The following TRIM66 variants were observed in gnomAD, a reference collection of about 807,000 sequenced individuals.
The protein encoded by TRIM66 is tripartite motif-containing protein 66.
TRIM66 carries 99 observed loss-of-function variants against 148.2 expected under a neutral mutation model. The ratio of observed to expected loss-of-function variants is 0.67; its 90% CI spans 0.57 to 0.79. The LOEUF (loss-of-function observed/expected upper bound fraction) is 0.79. Ranked by LOEUF, TRIM66 falls within the 30% of genes least tolerant of loss-of-function variation. The probability of loss-of-function intolerance (pLI) is 0.00; values close to 1 mark genes in which losing one functional copy is unlikely to be tolerated. For missense variants in TRIM66, 1,666 were observed against 1,697.9 expected, an observed-to-expected ratio of 0.98 and a Z score of 0.33; for synonymous variants, 616 against 635.9, an observed-to-expected ratio of 0.97 and a Z score of 0.47.
intron 15 of TRIM66, among the ~76,000 whole-genome samples, chr11:8,637,979 C>T (rs765254326): frequency 1.0e-3 from 156 of 152,222 alleles, no homozygotes; most frequent in Non-Finnish European, 1.9e-3. Flanking sequence ...CCAGGGTAAG[C>T]GAACACTTTC....
chr11:8,633,061 T>C (rs1166101366), intron 15 of TRIM66, among the ~76,000 whole-genome samples: 1 of 152,206 alleles, frequency 6.6e-6, no homozygotes, highest in Non-Finnish European at 1.5e-5. Flanking sequence ...GAAAGCCTGA[T>C]GAGTGGAACC....
At chr11:8,621,467 G>A in intron 19 of TRIM66, 146 bp from the exon 20 acceptor site, 1 of 1,310,782 alleles carries the variant, frequency 7.6e-7, no homozygotes. Flanking sequence ...TGAATGCTGG[G>A]ACACCTCACT....
intron 13 of TRIM66, among the ~76,000 whole-genome samples, 172 bp from the exon 14 acceptor site, chr11:8,641,324 C>T (rs1372276312): frequency 6.6e-6 from 1 of 152,154 alleles, no homozygotes; most frequent in Non-Finnish European, 1.5e-5. Context: ...CCAGTAATAG[C>T]ACCTGTATGC....
chr11:8,635,487 C>T (rs2035795475), intron 15 of TRIM66, among the ~76,000 whole-genome samples: 1 of 152,162 alleles, frequency 6.6e-6, no homozygotes, highest in Admixed American at 6.5e-5. Context: ...AAAAAGAAAG[C>T]CCTTTTCCTC....
chr11:8,657,219 G>A (rs1003162167), intron 6 of TRIM66, among the ~76,000 whole-genome samples: 2 of 152,192 alleles, frequency 1.3e-5, no homozygotes, highest in South Asian at 2.1e-4. Context: ...GGACACACTC[G>A]TTGCATAAGC....
chr11:8,621,722 G>T lies in TRIM66; in HGVS notation c.3178C>A (p.Pro1060Thr). 1 of 1,551,698 alleles carries T rather than the reference G, an allele frequency of 6.4e-7. No individual in the cohort carries two copies. Among genetic ancestry groups the T allele is most frequent in the African/African-American group, 1.4e-5 (1 of 73,154 alleles). ...CTCCCATCCTGATCATTCTTCTGTGGCTTCAGTTTGAACACAGGCATCTCT... is the reference window on the plus strand; with the variant it reads ...CTCCCATCCTGATCATTCTTCTGTGTCTTCAGTTTGAACACAGGCATCTCT... ...SGEMPVFKLK[P>T]QKNDQDGSFL... Residue 1060 changes from proline to threonine, a missense_variant, in exon 19 of 25, where the codon CCA becomes ACA. By Grantham distance (38) the Pro-to-Thr change is conservative. Transcript: ENST00000646038.
At position 8,617,364 on chromosome 11, in the gene TRIM66, C is replaced by A. The variant is rs1193573805; in HGVS notation, c.*580G>T. On this transcript the variant is annotated 3_prime_UTR_variant, in exon 25 of 25. Coordinates refer to ENST00000646038, the MANE Select transcript of TRIM66 (RefSeq NM_001388022.1). ...ACAAATACCCTGAAAACCGTTAGAA[C>A]CCAAATAGGCACAAATTGAGACCTA... 1 of 152,532 alleles carries A rather than the reference C, an allele frequency of 6.6e-6. No homozygotes were observed. Among genetic ancestry groups the A allele is most frequent in the Non-Finnish European group, 1.5e-5 (1 of 68,190 alleles). 9.4% of individuals were successfully genotyped at this position (152,532 alleles called of 1,614,324 possible). A position where few individuals can be genotyped will look rare whatever the true frequency, so the allele number is the denominator to read the frequency against.
intron 3 of TRIM66, among the ~76,000 whole-genome samples, chr11:8,677,960 A>G (rs1218528285): frequency 1.3e-5 from 2 of 152,232 alleles, no homozygotes; most frequent in African/African-American, 2.4e-5. Context: ...GATCCTATGG[A>G]TTTCCCCTAA....
At chr11:8,643,459 C>T (rs1199785726) in intron 12 of TRIM66, among the ~76,000 whole-genome samples, 1 of 151,982 alleles carries the variant, frequency 6.6e-6, no homozygotes, top group Non-Finnish European at 1.5e-5. Flanking sequence ...CCTGCCTCAG[C>T]CTCCTGAGTA....
chr11:8,617,184 T>A lies in TRIM66; in HGVS notation c.*760A>T, dbSNP rs1246431815. The A allele has an allele frequency of 6.6e-6, 1 of 152,334 alleles. No individual in the cohort carries two copies. Among genetic ancestry groups the A allele is most frequent in the Non-Finnish European group, 1.5e-5 (1 of 68,102 alleles). 9.4% of individuals were successfully genotyped at this position (152,334 alleles called of 1,614,324 possible). ...AGTAAGTAGCACAGAGGGCGGGCTC[T>A]GAAGTGGACATCTTACTAAGTCTGT... On this transcript the variant is annotated 3_prime_UTR_variant, in exon 25 of 25. Transcript: ENST00000646038.
intron 14 of TRIM66, among the ~76,000 whole-genome samples, chr11:8,639,320 T>C (rs1187975160): frequency 1.3e-5 from 2 of 152,096 alleles, no homozygotes; most frequent in African/African-American, 4.8e-5. Context: ...GATACCACTA[T>C]AGAAAAAGTG....
intron 15 of TRIM66, among the ~76,000 whole-genome samples, chr11:8,629,800 C>G (rs1439563073): frequency 6.6e-6 from 1 of 152,144 alleles, no homozygotes; most frequent in Admixed American, 6.5e-5. Flanking sequence ...CAGCCACAGC[C>G]AATCTCAAGG....
chr11:8,620,952 C>T, intron 20 of TRIM66, 80 bp downstream of exon 20: 1 of 1,486,292 alleles, frequency 6.7e-7, no homozygotes, highest in African/African-American at 1.4e-5. Flanking sequence ...CCTGGGAGCT[C>T]TGTGGGCCTG....
At chr11:8,647,451 C>G (rs1477759556) in intron 10 of TRIM66, among the ~76,000 whole-genome samples, 1 of 150,894 alleles carries the variant, frequency 6.6e-6, no homozygotes, top group Admixed American at 6.6e-5. Flanking sequence ...GAAAGAATGG[C>G]AAGAACTGAA....
intron 6 of TRIM66, 125 bp from the exon 7 acceptor site, chr11:8,652,028 C>T: frequency 1.4e-6 from 1 of 718,420 alleles, no homozygotes; most frequent in South Asian, 1.9e-5. Flanking sequence ...CCAAAATGAA[C>T]TACACTTGAT....
At chr11:8,671,132 A>T (rs980647366) in intron 6 of TRIM66, among the ~76,000 whole-genome samples, 1 of 152,278 alleles carries the variant, frequency 6.6e-6, no homozygotes. Flanking sequence ...ACTGCAGAGA[A>T]CAAAACAAAC....
chr11:8,659,758 G>A (rs2038119287), intron 6 of TRIM66, among the ~76,000 whole-genome samples: 1 of 152,238 alleles, frequency 6.6e-6, no homozygotes, highest in Non-Finnish European at 1.5e-5. Flanking sequence ...TCAAGGCCCA[G>A]CAATCAGGAA....
At chr11:8,648,694 C>T (rs983837311) in intron 8 of TRIM66, 146 bp from the exon 9 acceptor site, 2 of 1,018,040 alleles carry the variant, frequency 2.0e-6, no homozygotes, top group Non-Finnish European at 2.8e-6. Flanking sequence ...AGATGACTCT[C>T]CAGGGGCACA....
At chr11:8,638,474 G>T (rs1337433728) in intron 15 of TRIM66, among the ~76,000 whole-genome samples, 180 bp downstream of exon 15, 1 of 152,160 alleles carries the variant, frequency 6.6e-6, no homozygotes, top group Non-Finnish European at 1.5e-5. Context: ...AGTGGAAATG[G>T]GGAGGAGGAA....
Sources: gnomAD v4.1 joint callset for allele counts (sites outside exome capture counted in the v4.1 genomes callset) on GRCh38, gnomAD v4.1.1 for gene constraint, MANE v1.5 for transcripts, NCBI Gene and HGNC (gene_info 2026-07-23, HGNC 2026-07-21) for gene names.